Variants in CDH23 observed in about 807,000 individuals in gnomAD.
The protein encoded by CDH23 is cadherin-23.
A neutral mutation model predicts 317.1 loss-of-function variants in CDH23; 189 were observed. The ratio of observed to expected loss-of-function variants is 0.60; its 90% confidence interval spans 0.53 to 0.67. The LOEUF (loss-of-function observed/expected upper bound fraction) is 0.67. Ranked by LOEUF, CDH23 falls within the 30% of genes least tolerant of loss-of-function variation. The probability of loss-of-function intolerance (pLI) is 0.00; values close to 1 mark genes in which losing one functional copy is unlikely to be tolerated. For missense variants in CDH23, 4,401 were observed against 4,592.4 expected (o/e 0.96, Z 1.20); for synonymous variants, 1,839 against 1,876.8 (o/e 0.98, Z 0.52).
At chr10:71,399,836 G>T (rs933456007) in intron 1 of CDH23, among the ~76,000 whole-genome samples, 1 of 152,000 alleles carries the variant, frequency 6.6e-6, no homozygotes, top group African/African-American at 2.4e-5. Context: ...GAGGGGGCAG[G>T]GTTTCCGGAA....
At chr10:71,596,852 C>T (rs955516898) in intron 9 of CDH23, among the ~76,000 whole-genome samples, 2 of 152,168 alleles carry the variant, frequency 1.3e-5, no homozygotes, top group African/African-American at 4.8e-5. Context: ...TCCACAATGC[C>T]CCTTGCCCAG....
Position 71,590,881 on chromosome 10 carries a change from A to AAAAC in CDH23, c.832+12892_832+12893insCAAA, listed in dbSNP as rs1554842887. Among the ~76,000 whole-genome samples the AAAAC allele has an allele frequency of 4.6e-4, 59 of 126,988 alleles. 1 individual carries two copies. Among genetic ancestry groups the AAAAC allele is most frequent in the Admixed American group, 2.2e-3 (25 of 11,458 alleles). The allele number at this position is 126,988 out of a possible 152,430, so 83.3% of individuals were successfully genotyped here. ...GAGTGAGACCCTGTCTCTAAAAAAAAAAAAACAAAAAAAAACAAAAAAAAA... is the reference window on the plus strand; with the variant it reads ...GAGTGAGACCCTGTCTCTAAAAAAAAAAACAAAAACAAAAAAAAACAAAAAAAAA... On this transcript the variant is annotated intron_variant, in intron 9 of 69. Transcript: ENST00000224721.
In CDH23 at chr10:71,423,200, G is replaced by A. The variant is rs1383437271; in HGVS notation, c.-5-16627G>A. ...CGTGTGCACACACACAGTGCATGGA[G>A]GGTTCGAACGGGGACATCTGTTTGT... On this transcript the variant is annotated intron_variant, in intron 1 of 69. Coordinates refer to ENST00000224721, the MANE Select transcript of CDH23 (RefSeq NM_022124.6). Among the ~76,000 whole-genome samples the A allele has an allele frequency of 3.3e-5, 5 of 152,218 alleles. No homozygotes were observed. In the East Asian group the frequency reaches 7.7e-4, roughly 24 times the overall value.
At chr10:71,476,107 G>C (rs926077618) in intron 3 of CDH23, among the ~76,000 whole-genome samples, 1 of 151,482 alleles carries the variant, frequency 6.6e-6, no homozygotes, top group Non-Finnish European at 1.5e-5. Flanking sequence ...CAGAGACACA[G>C]AGCACGCAGG....
intron 3 of CDH23, among the ~76,000 whole-genome samples, chr10:71,500,018 C>CAA (rs34690494): frequency 0.014 from 1,302 of 94,122 alleles, 57 homozygotes; most frequent in African/African-American, 0.029. Context: ...GACTCCATCT[C>CAA]AAAAAAAAAA....
At chr10:71,642,422 G>C (rs997362636) in intron 11 of CDH23, among the ~76,000 whole-genome samples, 1 of 100,838 alleles carries the variant, frequency 9.9e-6, no homozygotes, top group Non-Finnish European at 1.9e-5. Context: ...TTTTTGAGAT[G>C]ATGTCTCACT....
At chr10:71,446,013 G>C (rs762219824) in intron 2 of CDH23, among the ~76,000 whole-genome samples, 18 of 152,094 alleles carry the variant, frequency 1.2e-4, no homozygotes, top group Non-Finnish European at 8.8e-5. Flanking sequence ...TCATACAGAG[G>C]CTTCTAAATC....
chr10:71,613,944 C>T (rs1336701228), intron 9 of CDH23, among the ~76,000 whole-genome samples: 1 of 152,216 alleles, frequency 6.6e-6, no homozygotes, highest in Non-Finnish European at 1.5e-5. Flanking sequence ...CGGGGATGGT[C>T]CCAAAGTAAT....
At chr10:71,784,844 A>G (rs752795843) in intron 42 of CDH23, 47 bp from the exon 43 acceptor site, 3 of 1,519,826 alleles carry the variant, frequency 2.0e-6, no homozygotes, top group South Asian at 1.1e-5. Flanking sequence ...CATGCACAAC[A>G]TCTGTCGCTC....
chr10:71,540,379 A>G (rs905269517), intron 6 of CDH23, among the ~76,000 whole-genome samples: 18 of 152,122 alleles, frequency 1.2e-4, no homozygotes, highest in Non-Finnish European at 2.5e-4. Context: ...GCATGCCTGT[A>G]TGGGCCAGTT....
chr10:71,786,254 T>C (rs1841101295), intron 44 of CDH23, among the ~76,000 whole-genome samples: 1 of 152,154 alleles, frequency 6.6e-6, no homozygotes, highest in Non-Finnish European at 1.5e-5. Context: ...AACAGTCCCT[T>C]TGGGTTGGGG....
intron 6 of CDH23, among the ~76,000 whole-genome samples, chr10:71,533,525 CCACACA>C (rs55659529): frequency 0.018 from 2,299 of 130,790 alleles, 10 homozygotes; most frequent in African/African-American, 0.024. Context: ...TGGCTGGACA[CCACACA>C]CACACACACA....
chr10:71,698,375 A>G (rs1305250762), intron 22 of CDH23, among the ~76,000 whole-genome samples: 1 of 152,176 alleles, frequency 6.6e-6, no homozygotes, highest in Non-Finnish European at 1.5e-5. Context: ...CCCCAGGTTG[A>G]GGTAGGGTCT....
chr10:71,688,746 C>T (rs1218948246), intron 19 of CDH23, among the ~76,000 whole-genome samples: 4 of 100,930 alleles, frequency 4.0e-5, no homozygotes, highest in South Asian at 3.7e-4. Context: ...GGTGGTGGAG[C>T]CAGGGGTGGT....
At chr10:71,697,940 AC>A (rs1367870686) in intron 22 of CDH23, among the ~76,000 whole-genome samples, 1 of 152,188 alleles carries the variant, frequency 6.6e-6, no homozygotes, top group Non-Finnish European at 1.5e-5. Context: ...AGTATTTGAG[AC>A]CTGAAAAATA....
intron 9 of CDH23, among the ~76,000 whole-genome samples, chr10:71,609,891 T>C (rs1860757141): frequency 6.6e-6 from 1 of 152,130 alleles, no homozygotes; most frequent in Admixed American, 6.5e-5. Flanking sequence ...TCTGCTGCTA[T>C]GTAAAACTCT....
intron 10 of CDH23, among the ~76,000 whole-genome samples, chr10:71,616,943 C>T (rs1002940191): frequency 6.6e-6 from 1 of 152,212 alleles, no homozygotes; most frequent in Non-Finnish European, 1.5e-5. Flanking sequence ...TGCTGTCAGT[C>T]CTAGGATCCT....
chr10:71,681,205 C>A (rs993067241), intron 17 of CDH23, among the ~76,000 whole-genome samples: 1 of 151,080 alleles, frequency 6.6e-6, no homozygotes, highest in South Asian at 2.1e-4. Flanking sequence ...TAGAAGAATC[C>A]CCCTTAGATT....
intron 6 of CDH23, among the ~76,000 whole-genome samples, chr10:71,523,003 C>G (rs1263189709): frequency 1.3e-5 from 2 of 152,252 alleles, no homozygotes; most frequent in East Asian, 3.9e-4. Flanking sequence ...TCTTGTCTGC[C>G]CCCCAAAGCA....
Sources: gnomAD v4.1 joint callset for allele counts (sites outside exome capture counted in the v4.1 genomes callset) on GRCh38, gnomAD v4.1.1 for gene constraint, MANE v1.5 for transcripts, NCBI Gene and HGNC (gene_info 2026-07-23, HGNC 2026-07-21) for gene names.